UBE2O: variants seen among roughly 807,000 people sequenced by gnomAD.
UBE2O encodes ubiquitin conjugating enzyme E2 O, also known as (E3-independent) E2 ubiquitin-conjugating enzyme.
UBE2O carries 15 observed loss-of-function variants against 125.8 expected under a neutral mutation model. The ratio of observed to expected loss-of-function variants is 0.12; its 90% CI spans 0.08 to 0.18. The LOEUF (loss-of-function observed/expected upper bound fraction) is 0.18. UBE2O is among the 10% of genes least tolerant of loss of function. UBE2O has a pLI of 1.00. For missense variants in UBE2O, 1,280 were observed against 1,723.6 expected (o/e 0.74, Z 4.56); for synonymous variants, 708 against 703.2 (o/e 1.01, Z -0.11).
rs1598584860 is a variant in UBE2O, at chr17:76,398,709, T to A, written c.1784-125A>T. 3 of 1,457,816 alleles carry A rather than the reference T, an allele frequency of 2.1e-6. No individual in the cohort carries two copies. The Admixed American group carries it at 5.4e-5, about 26-fold the overall frequency. The allele number at this position is 1,457,816 out of a possible 1,614,324, so 90.3% of individuals were successfully genotyped here. A position where few individuals can be genotyped will look rare whatever the true frequency, so the allele number is the denominator to read the frequency against. ...TCTTGGAAGTGGTGAGACCCCTTCATGAGGGCAGTCCCCTTCTGGACCTCA... is the reference window on the plus strand; with the variant it reads ...TCTTGGAAGTGGTGAGACCCCTTCAAGAGGGCAGTCCCCTTCTGGACCTCA... On this transcript the variant is annotated intron_variant, in intron 10 of 17. Coordinates refer to ENST00000319380, the MANE Select transcript of UBE2O (RefSeq NM_022066.4). The surrounding 1 kb of genome is among the most constrained non-coding windows in gnomAD (Gnocchi z 5.4).
intron 1 of UBE2O, among the ~76,000 whole-genome samples, chr17:76,414,261 CTG>C (rs777139298): frequency 1.3e-5 from 2 of 152,328 alleles, no homozygotes; most frequent in South Asian, 2.1e-4. Context: ...TGTGCTAAGA[CTG>C]AGGTCAACTG....
At chr17:76,428,033 T>C (rs2072840438) in intron 1 of UBE2O, among the ~76,000 whole-genome samples, 1 of 152,226 alleles carries the variant, frequency 6.6e-6, no homozygotes, top group South Asian at 2.1e-4. Flanking sequence ...TCTGTTTTTC[T>C]TTCTTATTCT....
chr17:76,446,916 T>G (rs1053846930), intron 1 of UBE2O, among the ~76,000 whole-genome samples: 2 of 152,190 alleles, frequency 1.3e-5, no homozygotes, highest in South Asian at 2.1e-4. Flanking sequence ...TGACAGTTAT[T>G]TTGAGAATGA....
At chr17:76,435,519 C>T (rs530480649) in intron 1 of UBE2O, among the ~76,000 whole-genome samples, 484 of 152,102 alleles carry the variant, frequency 3.2e-3, no homozygotes, top group African/African-American at 0.011. Flanking sequence ...GCAATATTCC[C>T]CCCGTTTACT....
chr17:76,393,846 A>G (rs540251396), intron 15 of UBE2O, among the ~76,000 whole-genome samples: 36 of 152,356 alleles, frequency 2.4e-4, no homozygotes, highest in African/African-American at 7.2e-4. Context: ...TGAGCTGAGA[A>G]GCAGGGAAGG....
chr17:76,402,453 C>T lies in UBE2O; in HGVS notation c.686+149G>A. ...GCCACGGCAGATAAGGAGAACGGTACAGGGTTAGGCCCTGGATGCCTGCAA... is the reference window on the plus strand; with the variant it reads ...GCCACGGCAGATAAGGAGAACGGTATAGGGTTAGGCCCTGGATGCCTGCAA... On this transcript the variant is annotated intron_variant, in intron 4 of 17. Transcript: ENST00000319380. This position sits in a 1 kb window ranked among gnomAD's most constrained non-coding sequence, Gnocchi z 5.4. 3 of 736,422 alleles carry T rather than the reference C, an allele frequency of 4.1e-6. No homozygotes were observed. The South Asian group carries it at 4.9e-5, about 12-fold the overall frequency. The allele number at this position is 736,422 out of a possible 1,614,324, so 45.6% of individuals were successfully genotyped here.
In UBE2O at chr17:76,402,515, G is replaced by T; in HGVS notation, c.686+87C>A. ...GCCCTTGATCAAACCTGTCATCACT[G>T]TCCCCAGGAGGAAACACCCTCCTCC... On this transcript the variant is annotated intron_variant, in intron 4 of 17. Coordinates refer to ENST00000319380, the MANE Select transcript of UBE2O (RefSeq NM_022066.4). This position sits in a 1 kb window ranked among gnomAD's most constrained non-coding sequence, Gnocchi z 5.4. The T allele has an allele frequency of 8.7e-7, 1 of 1,152,824 alleles. No individual in the cohort carries two copies. The highest frequency in any genetic ancestry group is 1.3e-6 in the Non-Finnish European group (1 of 765,292). The allele number at this position is 1,152,824 out of a possible 1,614,324, so 71.4% of individuals were successfully genotyped here.
chr17:76,396,843 C>T lies in UBE2O; in HGVS notation c.2116-22G>A. The stretch of plus-strand genomic sequence containing the variant: ...AGTGCTGGGGGCAGAAGGGAAGTGC[C>T]AGGGTAAGCAGACAGGAAGTCACCT... On this transcript the variant is annotated intron_variant, in intron 13 of 17. Transcript: ENST00000319380. This position sits in a 1 kb window ranked among gnomAD's most constrained non-coding sequence, Gnocchi z 6.7. 6.4e-7 allele frequency: 1 copy of T among 1,552,024 alleles called. No individual in the cohort carries two copies. The highest frequency in any genetic ancestry group is 8.7e-7 in the Non-Finnish European group (1 of 1,147,458).
intron 1 of UBE2O, among the ~76,000 whole-genome samples, chr17:76,447,080 T>C (rs2073163804): frequency 6.6e-6 from 1 of 152,166 alleles, no homozygotes; most frequent in Non-Finnish European, 1.5e-5. Context: ...CCTGTGCCTC[T>C]CTCCTTCCTC....
In UBE2O at chr17:76,423,693, AAAATAAATAAAT is replaced by A. The variant is rs74941845; in HGVS notation, c.418-18133_418-18122del. 1.3e-4 allele frequency among the ~76,000 whole-genome samples: 18 copies of A among 135,922 alleles called. 1 individual carries two copies. The highest frequency in any genetic ancestry group is 4.3e-4 in the East Asian group (2 of 4,694). 89.2% of individuals were successfully genotyped at this position (135,922 alleles called of 152,430 possible). A position where few individuals can be genotyped will look rare whatever the true frequency, so the allele number is the denominator to read the frequency against. ...GGGTGACAGAGGGACACTCCATCTC[AAAATAAATAAAT>A]AAATAAATAAATAAATAAATAAAAA... On this transcript the variant is annotated intron_variant, in intron 1 of 17. Transcript: ENST00000319380.
In UBE2O at chr17:76,437,300, A is replaced by G. The variant is rs112274713; in HGVS notation, c.417+15425T>C. Reference sequence around the variant, plus strand: ...CCCGTCTCTACTAAAAATACACAAAATTAGCCGGGCGTGGTGGCGGGCACC... The same window carrying G: ...CCCGTCTCTACTAAAAATACACAAAGTTAGCCGGGCGTGGTGGCGGGCACC... On this transcript the variant is annotated intron_variant, in intron 1 of 17. Transcript: ENST00000319380. 6.5e-3 allele frequency among the ~76,000 whole-genome samples: 993 copies of G among 151,628 alleles called. 11 individuals are homozygous for G. Among genetic ancestry groups the G allele is most frequent in the African/African-American group, 0.022 (924 of 41,354 alleles).
intron 1 of UBE2O, among the ~76,000 whole-genome samples, chr17:76,407,243 G>C (rs1377072921): frequency 6.6e-6 from 1 of 152,204 alleles, no homozygotes; most frequent in Non-Finnish European, 1.5e-5. Context: ...GCAGGGTGAA[G>C]ACCCCTGAAA....
chr17:76,401,958 C>A, intron 5 of UBE2O, 106 bp downstream of exon 5: 1 of 1,172,404 alleles, frequency 8.5e-7, no homozygotes, highest in East Asian at 2.8e-5. Context: ...CGCCCCTTTT[C>A]TAGGAAACCG....
At chr17:76,448,004 T>G (rs1464894136) in intron 1 of UBE2O, among the ~76,000 whole-genome samples, 1 of 152,312 alleles carries the variant, frequency 6.6e-6, no homozygotes, top group East Asian at 1.9e-4. Context: ...TCTTATTTCA[T>G]TGCAGAGGGA....
At chr17:76,440,830 T>A (rs1257107566) in intron 1 of UBE2O, among the ~76,000 whole-genome samples, 1 of 152,218 alleles carries the variant, frequency 6.6e-6, no homozygotes, top group Non-Finnish European at 1.5e-5. Flanking sequence ...GCTGAGTTGT[T>A]GTGAAGGAGA....
In UBE2O at chr17:76,431,504, C is replaced by CA. The variant is rs201937397; in HGVS notation, c.417+21220dup. Among the ~76,000 whole-genome samples, 371 of 150,572 alleles carry CA rather than the reference C, an allele frequency of 2.5e-3. 7 individuals are homozygous for CA. The highest frequency in any genetic ancestry group is 7.9e-3 in the African/African-American group (323 of 41,050). ...GCCTGGGCGACAGGGTGCTCTGTCT[C>CA]AAAAAAAAAGTCAACAAAACCCAGG... On this transcript the variant is annotated intron_variant, in intron 1 of 17. Transcript: ENST00000319380.
chr17:76,416,571 C>T (rs975681621), intron 1 of UBE2O, among the ~76,000 whole-genome samples: 1 of 152,108 alleles, frequency 6.6e-6, no homozygotes, highest in Non-Finnish European at 1.5e-5. Flanking sequence ...ACAGACCGCA[C>T]GTGGAAGAGA....
intron 1 of UBE2O, among the ~76,000 whole-genome samples, chr17:76,449,010 G>T (rs1193825178): frequency 1.3e-5 from 2 of 152,232 alleles, no homozygotes; most frequent in Non-Finnish European, 1.5e-5. Context: ...GTCCTTAAGA[G>T]GCTTAATTTT....
Position 76,401,145 on chromosome 17 carries a change from A to C in UBE2O, c.760T>G (p.Phe254Val). Residue 254 changes from phenylalanine to valine, a missense_variant, in exon 6 of 18, where the codon TTC becomes GTC. By Grantham distance (50) the Phe-to-Val change is conservative. Around this residue, in one of 10 missense-constraint regions of UBE2O, gnomAD observed 206 missense variants for 315.7 expected, o/e 0.65. Transcript: ENST00000319380. The part of the protein sequence containing the change: ...CPHVSDSGLF[F>V]DDSYGFYPGQ... ...GGGTAGAAGCCATAGGAATCATCGA[A>C]GAAGAGACCCTGCGGGATGTGGGGC... 1 of 1,613,626 alleles carries C rather than the reference A, an allele frequency of 6.2e-7. No individual in the cohort carries two copies.
Sources: allele counts gnomAD v4.1 joint callset (sites outside exome capture counted in the v4.1 genomes callset), GRCh38; gene constraint gnomAD v4.1.1; regional missense constraint gnomAD v4.1.1; non-coding constraint Gnocchi (gnomAD v3.1); transcripts MANE v1.5; gene names NCBI Gene and HGNC (gene_info 2026-07-23, HGNC 2026-07-21).